The following CCBE1 variants were observed in gnomAD, a reference collection of about 807,000 sequenced individuals.
CCBE1 encodes the protein collagen and calcium binding EGF domains 1, also known as collagen and calcium-binding EGF domain-containing protein 1.
CCBE1 carries 37 observed loss-of-function variants against 50.0 expected under a neutral mutation model. That is an observed-to-expected ratio of 0.74 (90% CI 0.57 to 0.97). The LOEUF is 0.97. CCBE1 is among the 50% of genes least tolerant of loss of function. The probability of loss-of-function intolerance (pLI) is 0.00; values close to 1 mark genes in which losing one functional copy is unlikely to be tolerated. For missense variants in CCBE1, 538 were observed against 523.8 expected, an observed-to-expected ratio of 1.03 and a Z score of -0.26; for synonymous variants, 234 against 203.7, an observed-to-expected ratio of 1.15 and a Z score of -1.27.
chr18:59,550,947 C>G (rs2469430), intron 2 of CCBE1, among the ~76,000 whole-genome samples: 102,937 of 141,520 alleles, frequency 0.73, 37,501 homozygotes, highest in African/African-American at 0.85. Context: ...GGAGCTTGCA[C>G]TGAGCTGAGA....
intron 2 of CCBE1, among the ~76,000 whole-genome samples, chr18:59,638,034 A>C (rs2053936705): frequency 6.6e-6 from 1 of 152,212 alleles, no homozygotes. Flanking sequence ...ATGAGAAAAG[A>C]AAATTACAGG....
intron 2 of CCBE1, among the ~76,000 whole-genome samples, chr18:59,668,795 G>GCTGGATGAT (rs1398937483): frequency 6.7e-6 from 1 of 148,786 alleles, no homozygotes; most frequent in East Asian, 1.9e-4. Flanking sequence ...CCAACATTGT[G>GCTGGATGAT]CTGGATGATG....
intron 2 of CCBE1, among the ~76,000 whole-genome samples, chr18:59,521,872 TTGGG>T (rs556251278): frequency 3.2e-3 from 484 of 152,306 alleles, no homozygotes; most frequent in African/African-American, 0.011. Context: ...TATACTTTGG[TTGGG>T]TAAGTTTGGA....
intron 5 of CCBE1, among the ~76,000 whole-genome samples, chr18:59,459,818 C>T (rs553270474): frequency 1.8e-3 from 268 of 152,234 alleles, no homozygotes; most frequent in Non-Finnish European, 3.5e-3. Flanking sequence ...GCACACCACC[C>T]GTCTGGGGAT....
chr18:59,502,807 G>C (rs986331612), intron 2 of CCBE1, among the ~76,000 whole-genome samples: 4 of 152,182 alleles, frequency 2.6e-5, no homozygotes, highest in Non-Finnish European at 5.9e-5. Context: ...TGATTCTGTT[G>C]CTAGGCCACT....
chr18:59,607,438 AAAC>A (rs2053513516), intron 2 of CCBE1, among the ~76,000 whole-genome samples: 1 of 152,194 alleles, frequency 6.6e-6, no homozygotes. Flanking sequence ...TCCAAATTTC[AAAC>A]AACAGACATA....
intron 2 of CCBE1, among the ~76,000 whole-genome samples, chr18:59,636,483 C>T (rs1157279457): frequency 6.6e-6 from 1 of 152,136 alleles, no homozygotes; most frequent in Non-Finnish European, 1.5e-5. Context: ...TTATCCAAGG[C>T]CTTAAGAGTT....
chr18:59,540,756 C>T (rs1915435384), intron 2 of CCBE1, among the ~76,000 whole-genome samples: 1 of 152,156 alleles, frequency 6.6e-6, no homozygotes, highest in South Asian at 2.1e-4. Context: ...ATATCATTTA[C>T]CTCCTCTCAG....
chr18:59,590,517 A>G (rs977838297), intron 2 of CCBE1, among the ~76,000 whole-genome samples: 2 of 152,190 alleles, frequency 1.3e-5, no homozygotes, highest in Non-Finnish European at 2.9e-5. Flanking sequence ...GCTAGGCATG[A>G]TGATACCAAC....
intron 2 of CCBE1, among the ~76,000 whole-genome samples, chr18:59,618,347 A>G (rs977762320): frequency 5.3e-5 from 8 of 152,156 alleles, no homozygotes; most frequent in Non-Finnish European, 1.0e-4. Context: ...AAGAAAAAAA[A>G]TGAGATGTAA....
At chr18:59,439,350 A>C (rs1910306024) in intron 9 of CCBE1, among the ~76,000 whole-genome samples, 193 bp downstream of exon 9, 1 of 152,088 alleles carries the variant, frequency 6.6e-6, no homozygotes, top group African/African-American at 2.4e-5. Flanking sequence ...CTGTGGTCCC[A>C]GCTGCTTGGG....
rs1466152160 is a variant in CCBE1 at position 59,696,516 on chromosome 18, C to A, written c.212+113G>T. ...GCGGCACGCACCCAGCAGGTTCCAG[C>A]GTAAAAGCTGCTCCGGTCCCAAGCG... On this transcript the variant is annotated intron_variant, in intron 2 of 10. Transcript: ENST00000439986. 8.3e-6 allele frequency: 13 copies of A among 1,571,054 alleles called. No individual in the cohort carries two copies. The Admixed American group carries it at 2.1e-4, about 26-fold the overall frequency.
At chr18:59,544,487 T>C (rs373268413) in intron 2 of CCBE1, among the ~76,000 whole-genome samples, 1 of 152,220 alleles carries the variant, frequency 6.6e-6, no homozygotes, top group Admixed American at 6.5e-5. Flanking sequence ...CTACATAAGA[T>C]GTACTTTTGC....
At chr18:59,436,202 C>T (rs1334382107) in intron 10 of CCBE1, 61 bp from the exon 11 acceptor site, 3 of 1,454,818 alleles carry the variant, frequency 2.1e-6, no homozygotes, top group Admixed American at 1.7e-5. Flanking sequence ...TCCGGGGCTC[C>T]ATGACTTGAC....
chr18:59,685,236 TTGGAATGGCTC>T (rs2054639950), intron 2 of CCBE1, among the ~76,000 whole-genome samples: 3 of 152,094 alleles, frequency 2.0e-5, no homozygotes, highest in African/African-American at 7.2e-5. Context: ...ACCCTGAGAT[TTGGAATGGCTC>T]AGCTTAAGAA....
At chr18:59,488,856 G>A (rs1328932037) in intron 2 of CCBE1, among the ~76,000 whole-genome samples, 3 of 152,140 alleles carry the variant, frequency 2.0e-5, no homozygotes, top group Non-Finnish European at 4.4e-5. Flanking sequence ...AAAGACATCT[G>A]CTGTTTTTCC....
chr18:59,548,246 G>C (rs1915783678), intron 2 of CCBE1, among the ~76,000 whole-genome samples: 2 of 152,188 alleles, frequency 1.3e-5, no homozygotes, highest in Non-Finnish European at 2.9e-5. Flanking sequence ...TCCTTTAAAA[G>C]AAAGATATCT....
chr18:59,626,595 G>A (rs1300506388), intron 2 of CCBE1, among the ~76,000 whole-genome samples: 2 of 152,230 alleles, frequency 1.3e-5, no homozygotes, highest in Admixed American at 1.3e-4. Context: ...TCTTAACAAT[G>A]AGTATTAGCA....
In CCBE1 at chr18:59,630,547, ACTGGCAGATGGG is replaced by A. The variant is rs111784113; in HGVS notation, c.212+66070_212+66081del. On this transcript the variant is annotated intron_variant, in intron 2 of 10. Coordinates refer to ENST00000439986, the MANE Select transcript of CCBE1 (RefSeq NM_133459.4). ...ATTAAAGGTCCCATTGTGTCACTTA[ACTGGCAGATGGG>A]CTGGCTAGAGGATGCAAGCAGGCAT... 7.0e-3 allele frequency among the ~76,000 whole-genome samples: 1,059 copies of A among 152,234 alleles called. 19 individuals carry two copies. The highest frequency in any genetic ancestry group is 0.024 in the African/African-American group (994 of 41,516).
Sources: allele counts gnomAD v4.1 joint callset (sites outside exome capture counted in the v4.1 genomes callset), GRCh38; gene constraint gnomAD v4.1.1; transcripts MANE v1.5; gene names NCBI Gene and HGNC (gene_info 2026-07-23, HGNC 2026-07-21).